MACIR: variants seen among roughly 807,000 people sequenced by gnomAD.
The protein encoded by MACIR is UNC119-binding protein C5orf30.
Under a neutral mutation model 14.3 loss-of-function variants are expected in MACIR, and 4 were observed. The observed-to-expected ratio is 0.28, with a 90% CI of 0.14 to 0.64. The LOEUF (loss-of-function observed/expected upper bound fraction) is 0.64. Ranked by LOEUF, MACIR falls within the 30% of genes least tolerant of loss-of-function variation. MACIR has a pLI of 0.83. For synonymous variants in MACIR, 101 were observed against 102.4 expected (o/e 0.99, Z 0.08); for missense variants, 228 against 257.6 (o/e 0.89, Z 0.79).
At chr5:103,261,186 T>G (rs538584228) in intron 1 of MACIR, among the ~76,000 whole-genome samples, 72 of 152,340 alleles carry the variant, frequency 4.7e-4, no homozygotes, top group African/African-American at 1.6e-3. Context: ...CATTTTTGTC[T>G]TACTGAACGA....
At chr5:103,268,329 A>C (rs1393635648) in intron 2 of MACIR, among the ~76,000 whole-genome samples, 7 of 152,192 alleles carry the variant, frequency 4.6e-5, no homozygotes, top group Admixed American at 6.5e-5. Context: ...AAGTGTGTGC[A>C]GATGAAGGAG....
intron 1 of MACIR, among the ~76,000 whole-genome samples, chr5:103,263,912 G>T (rs1804828871): frequency 6.6e-6 from 1 of 152,072 alleles, no homozygotes; most frequent in Non-Finnish European, 1.5e-5. Context: ...GAAGCTCATA[G>T]GAGAAAGAGT....
intron 2 of MACIR, among the ~76,000 whole-genome samples, chr5:103,274,131 C>T (rs1406304758): frequency 6.6e-6 from 1 of 152,112 alleles, no homozygotes; most frequent in Non-Finnish European, 1.5e-5. Flanking sequence ...GCTATGTCCT[C>T]TTGCATTCTT....
At chr5:103,267,301 C>T (rs1437445090) in intron 2 of MACIR, among the ~76,000 whole-genome samples, 1 of 152,054 alleles carries the variant, frequency 6.6e-6, no homozygotes, top group East Asian at 1.9e-4. Context: ...ACTTATAATA[C>T]CTATTACAAT....
chr5:103,275,264 G>T (rs940045745), intron 2 of MACIR, among the ~76,000 whole-genome samples: 1 of 152,102 alleles, frequency 6.6e-6, no homozygotes, highest in African/African-American at 2.4e-5. Flanking sequence ...TTGGGGATAT[G>T]GAAGGAAGAA....
rs1366748230 is a variant in MACIR at position 103,275,272 on chromosome 5, G to A, written c.-23-625G>A. Among the ~76,000 whole-genome samples the A allele has an allele frequency of 2.6e-5, 4 of 152,154 alleles. No homozygotes were observed. The South Asian group carries it at 6.2e-4, about 24-fold the overall frequency. ...TAATTCATTGGGGATATGGAAGGAA[G>A]AACATTTACAAGGTTTGGGGGAACC... On this transcript the variant is annotated intron_variant, in intron 2 of 2. Coordinates refer to ENST00000319933, the MANE Select transcript of MACIR (RefSeq NM_033211.4).
intron 2 of MACIR, among the ~76,000 whole-genome samples, chr5:103,275,608 G>A (rs891159858): frequency 1.3e-5 from 2 of 152,118 alleles, no homozygotes; most frequent in Non-Finnish European, 2.9e-5. Flanking sequence ...ATAGAGTGCG[G>A]AATTTAGAGA....
Position 103,276,255 on chromosome 5 carries a change from G to A in MACIR, c.336G>A (p.Arg112=). 1 of 1,612,350 alleles carries A rather than the reference G, an allele frequency of 6.2e-7. No homozygotes were observed. The highest frequency in any genetic ancestry group is 8.5e-7 in the Non-Finnish European group (1 of 1,179,664). The change falls in exon 3 of 3, where the codon AGG becomes AGA. Residue 112 remains arginine (R), a synonymous_variant. Transcript: ENST00000319933. The part of the protein sequence containing the change: ...RSSRLYKTRS[R]YYQPYEIPAV... Reference sequence around the variant, plus strand: ...CTCGTTTGTATAAAACCAGAAGTAGGTACTACCAGCCATACGAGATTCCAG... The same window carrying A: ...CTCGTTTGTATAAAACCAGAAGTAGATACTACCAGCCATACGAGATTCCAG...
At chr5:103,263,925 A>G (rs434294) in intron 1 of MACIR, among the ~76,000 whole-genome samples, 45,096 of 152,008 alleles carry the variant, frequency 0.3, 6,713 homozygotes, top group Non-Finnish European at 0.32. Context: ...GAAAGAGTCC[A>G]TGATTCAGAA....
At position 103,275,893 on chromosome 5, in the gene MACIR, T is replaced by G. The variant is rs1805304159; in HGVS notation, c.-23-4T>G. On this transcript the variant is annotated splice_polypyrimidine_tract_variant and splice_region_variant and intron_variant, in intron 2 of 2. Transcript: ENST00000319933. Reference sequence around the variant, plus strand: ...TCTTCTAATCTAAGTCTGTTTACTTTTAGGATTGTGCAGACTGGTGCTTAA... The same window carrying G: ...TCTTCTAATCTAAGTCTGTTTACTTGTAGGATTGTGCAGACTGGTGCTTAA... 1.9e-6 allele frequency: 3 copies of G among 1,591,054 alleles called. No homozygotes were observed. The highest frequency in any genetic ancestry group is 1.1e-5 in the South Asian group (1 of 88,062).
intron 1 of MACIR, among the ~76,000 whole-genome samples, chr5:103,265,038 T>C (rs1480833413): frequency 6.6e-6 from 1 of 152,106 alleles, no homozygotes; most frequent in African/African-American, 2.4e-5. Flanking sequence ...AAAAGGACTT[T>C]GGAGGGTTTT....
intron 1 of MACIR, among the ~76,000 whole-genome samples, chr5:103,264,035 A>G (rs1318202403): frequency 6.6e-5 from 10 of 152,162 alleles, no homozygotes; most frequent in African/African-American, 1.9e-4. Flanking sequence ...CCATTTCACA[A>G]ATGAGGCAAT....
chr5:103,276,568 TAGGTC>T lies in MACIR; in HGVS notation c.*31_*35del. 1 of 1,579,822 alleles carries T rather than the reference TAGGTC, an allele frequency of 6.3e-7. No homozygotes were observed. The highest frequency in any genetic ancestry group is 8.6e-7 in the Non-Finnish European group (1 of 1,165,002). On this transcript the variant is annotated 3_prime_UTR_variant, in exon 3 of 3. Coordinates refer to ENST00000319933, the MANE Select transcript of MACIR (RefSeq NM_033211.4). The stretch of plus-strand genomic sequence containing the variant: ...GACTTGGAGAGAGCTTAAACCAATT[TAGGTC>T]AGCCTACGCTTGGCTAGAAAAAACC...
chr5:103,261,549 T>G (rs898196907), intron 1 of MACIR, among the ~76,000 whole-genome samples: 1 of 152,198 alleles, frequency 6.6e-6, no homozygotes, highest in Admixed American at 6.5e-5. Context: ...TTTGAAAGAA[T>G]TTTTAAAAAT....
In MACIR at chr5:103,277,375, A is replaced by C. The variant is rs2149936839; in HGVS notation, c.*835A>C. Reference sequence around the variant, plus strand: ...ATTCACCTGGAACTTTAAATGGGAAAGGATTCTTTTAATTGTGGATTATAG... The same window carrying C: ...ATTCACCTGGAACTTTAAATGGGAACGGATTCTTTTAATTGTGGATTATAG... On this transcript the variant is annotated 3_prime_UTR_variant, in exon 3 of 3. Coordinates refer to ENST00000319933, the MANE Select transcript of MACIR (RefSeq NM_033211.4). 1 of 167,188 alleles carries C rather than the reference A, an allele frequency of 6.0e-6. No individual in the cohort carries two copies. The highest frequency in any genetic ancestry group is 1.9e-4 in the East Asian group (1 of 5,190). The allele number at this position is 167,188 out of a possible 1,614,324, so 10.4% of individuals were successfully genotyped here.
At chr5:103,266,482 T>C (rs1472930784) in intron 2 of MACIR, among the ~76,000 whole-genome samples, 2 of 152,166 alleles carry the variant, frequency 1.3e-5, no homozygotes, top group East Asian at 3.8e-4. Context: ...AATGTGACAT[T>C]CTTTTTATCA....
In MACIR at chr5:103,261,832, C is replaced by G. The variant is rs1554236326; in HGVS notation, c.-114+2936C>G. Among the ~76,000 whole-genome samples, 4 of 151,746 alleles carry G rather than the reference C, an allele frequency of 2.6e-5. No homozygotes were observed. In the South Asian group the frequency reaches 6.2e-4, roughly 24 times the overall value. ...TTAGAACTCACAGCTTCTACTGTAC[C>G]AATTTCTCTGCCTAAAATTTGTCCT... On this transcript the variant is annotated intron_variant, in intron 1 of 2. Coordinates refer to ENST00000319933, the MANE Select transcript of MACIR (RefSeq NM_033211.4).
intron 2 of MACIR, among the ~76,000 whole-genome samples, chr5:103,267,608 A>G (rs1369704869): frequency 1.3e-5 from 2 of 152,224 alleles, no homozygotes; most frequent in Non-Finnish European, 2.9e-5. Flanking sequence ...ATACACTGGG[A>G]AACTATTAAG....
rs569689371 is a variant in MACIR, at chr5:103,261,230, ATGGT to A, written c.-114+2336_-114+2339del. 1.3e-3 allele frequency among the ~76,000 whole-genome samples: 198 copies of A among 152,350 alleles called. 1 individual carries two copies. Among genetic ancestry groups the A allele is most frequent in the African/African-American group, 4.6e-3 (190 of 41,592 alleles). Reference sequence around the variant, plus strand: ...TTATCTTACAAAGTTGGCAAGGTTAATGGTTTGTTTGTAAGGTCAAGGATGGTTT... The same window carrying A: ...TTATCTTACAAAGTTGGCAAGGTTAATTGTTTGTAAGGTCAAGGATGGTTT... On this transcript the variant is annotated intron_variant, in intron 1 of 2. Transcript: ENST00000319933.
Sources: gnomAD v4.1 joint callset for allele counts (sites outside exome capture counted in the v4.1 genomes callset) on GRCh38, gnomAD v4.1.1 for gene constraint, MANE v1.5 for transcripts, NCBI Gene and HGNC (gene_info 2026-07-23, HGNC 2026-07-21) for gene names.